OSBPL9: variants seen among roughly 807,000 people sequenced by gnomAD.
The protein encoded by OSBPL9 is oxysterol binding protein like 9.
Under a neutral mutation model 106.6 loss-of-function variants are expected in OSBPL9, and 40 were observed. The ratio of observed to expected loss-of-function variants is 0.38; its 90% CI spans 0.29 to 0.49. OSBPL9 has a LOEUF of 0.49. Ranked by LOEUF, OSBPL9 falls within the 20% of genes least tolerant of loss-of-function variation. The pLI, the probability that OSBPL9 is intolerant of heterozygous loss-of-function variation, is 0.97. For synonymous variants in OSBPL9, 269 were observed against 295.4 expected (o/e 0.91, Z 0.92); for missense variants, 609 against 887.2 (o/e 0.69, Z 3.98).
chr1:51,681,563 T>G (rs1020052549), intron 3 of OSBPL9, among the ~76,000 whole-genome samples: 1 of 152,178 alleles, frequency 6.6e-6, no homozygotes, highest in Admixed American at 6.5e-5. Flanking sequence ...ATTTTTCTGT[T>G]TTTCTACTAA....
chr1:51,673,688 G>T (rs996704126), intron 3 of OSBPL9, among the ~76,000 whole-genome samples: 1 of 152,110 alleles, frequency 6.6e-6, no homozygotes, highest in Non-Finnish European at 1.5e-5. Flanking sequence ...GGAGGAAAAT[G>T]GACTAGATTT....
intron 1 of OSBPL9, among the ~76,000 whole-genome samples, chr1:51,585,236 G>T (rs1162080895): frequency 2.0e-5 from 3 of 151,218 alleles, no homozygotes; most frequent in Non-Finnish European, 4.4e-5. Context: ...GCAGTGGGGT[G>T]GGTAGCAGGA....
the OSBPL9 span, among the ~76,000 whole-genome samples, chr1:51,520,017 T>C: frequency 6.6e-6 from 1 of 152,248 alleles, no homozygotes; most frequent in East Asian, 1.9e-4. Context: ...CTCCTCCTTC[T>C]TTCTCAGGAC....
intron 2 of OSBPL9, among the ~76,000 whole-genome samples, chr1:51,609,737 G>C (rs1438140188): frequency 6.6e-6 from 1 of 151,230 alleles, no homozygotes; most frequent in Non-Finnish European, 1.5e-5. Flanking sequence ...CCACTTGCCG[G>C]CTGAATGTCT....
Position 51,765,963 on chromosome 1 carries a change from C to T in OSBPL9, c.920C>T (p.Ser307Phe). ...GATGAATTCCATCAAAGTGGCTCAT[C>T]CCCAAAGCGCTTAATAGAGTGAGTA... ...DADEFHQSGS[S>F]PKRLIDSSGS... The change falls in exon 12 of 24, where the codon TCC becomes TTC. Residue 307 changes from serine to phenylalanine, a missense_variant. By Grantham distance (155) the Ser-to-Phe change is radical. Transcript: ENST00000428468. The T allele has an allele frequency of 1.2e-6, 2 of 1,613,406 alleles. No homozygotes were observed. The highest frequency in any genetic ancestry group is 1.7e-4 in the Middle Eastern group (1 of 6,058).
At chr1:51,634,315 G>A (rs1259738670) in intron 1 of OSBPL9, among the ~76,000 whole-genome samples, 1 of 152,134 alleles carries the variant, frequency 6.6e-6, no homozygotes, top group Admixed American at 6.6e-5. Context: ...ACTGATGGTG[G>A]AGGAGCATAA....
chr1:51,672,319 G>C (rs1047261351), intron 3 of OSBPL9, among the ~76,000 whole-genome samples: 1 of 152,078 alleles, frequency 6.6e-6, no homozygotes, highest in African/African-American at 2.4e-5. Context: ...AGAAGTGGTC[G>C]AATTGTGTGC....
the OSBPL9 span, among the ~76,000 whole-genome samples, chr1:51,564,849 G>A: frequency 6.6e-6 from 1 of 152,168 alleles, no homozygotes; most frequent in Non-Finnish European, 1.5e-5. Flanking sequence ...CTCTCCCCAA[G>A]TCCTTGAGCC....
the OSBPL9 span, among the ~76,000 whole-genome samples, chr1:51,558,033 C>T: frequency 6.6e-6 from 1 of 152,194 alleles, no homozygotes; most frequent in Non-Finnish European, 1.5e-5. Flanking sequence ...GTAATCCTAG[C>T]ACTTTGGGAG....
upstream of OSBPL9, among the ~76,000 whole-genome samples, chr1:51,612,422 T>A (rs2148606550): frequency 6.6e-6 from 1 of 152,340 alleles, no homozygotes; most frequent in East Asian, 1.9e-4. Flanking sequence ...ACCTTTCAGT[T>A]CTGAGTCTAG....
At chr1:51,572,617 C>G (rs1645157332), upstream of OSBPL9, among the ~76,000 whole-genome samples, 1 of 152,130 alleles carries the variant, frequency 6.6e-6, no homozygotes, top group Non-Finnish European at 1.5e-5. Context: ...TGAATATAGT[C>G]CCTACAGTCA....
chr1:51,668,467 CAA>C (rs1275640390), intron 2 of OSBPL9, among the ~76,000 whole-genome samples: 1 of 152,042 alleles, frequency 6.6e-6, no homozygotes, highest in South Asian at 2.1e-4. Context: ...ACTAAAAATA[CAA>C]AAGTTAGCCG....
intron 16 of OSBPL9, 67 bp downstream of exon 16, chr1:51,781,402 C>T (rs1676355967): frequency 7.0e-7 from 1 of 1,428,912 alleles, no homozygotes; most frequent in South Asian, 1.2e-5. Flanking sequence ...TATTTAGGGG[C>T]AAATAATAAT....
chr1:51,643,990 G>T (rs1645980617), intron 1 of OSBPL9, among the ~76,000 whole-genome samples: 1 of 149,918 alleles, frequency 6.7e-6, no homozygotes, highest in Non-Finnish European at 1.5e-5. Context: ...TGAGGTGGGA[G>T]GATCACTTGA....
intron 2 of OSBPL9, among the ~76,000 whole-genome samples, chr1:51,661,986 A>G (rs946586909): frequency 4.6e-5 from 7 of 152,128 alleles, no homozygotes; most frequent in African/African-American, 1.7e-4. Context: ...TTAAACCAGA[A>G]CTGCTTGAGA....
chr1:51,556,013 C>A, the OSBPL9 span, among the ~76,000 whole-genome samples: 3 of 152,066 alleles, frequency 2.0e-5, no homozygotes. Flanking sequence ...GAGAAAGGAA[C>A]AGAATACAAA....
intron 3 of OSBPL9, chr1:51,709,208 A>T: frequency 5.2e-6 from 1 of 191,796 alleles, no homozygotes; most frequent in East Asian, 1.2e-4. Flanking sequence ...TTGTGGCGAC[A>T]CCGTACAAAG....
intron 9 of OSBPL9, among the ~76,000 whole-genome samples, chr1:51,758,417 A>G (rs532387854): frequency 6.9e-6 from 1 of 144,552 alleles, no homozygotes; most frequent in African/African-American, 2.7e-5. Context: ...GGAATCTCCT[A>G]TTTTCAGAAA....
intron 1 of OSBPL9, among the ~76,000 whole-genome samples, chr1:51,579,343 T>C (rs1645206028): frequency 6.6e-6 from 1 of 152,216 alleles, no homozygotes; most frequent in African/African-American, 2.4e-5. Flanking sequence ...TACAAAGATA[T>C]ACATAGGTAA....
Sources: gnomAD v4.1 joint callset for allele counts (sites outside exome capture counted in the v4.1 genomes callset) on GRCh38, gnomAD v4.1.1 for gene constraint, MANE v1.5 for transcripts, NCBI Gene and HGNC (gene_info 2026-07-23, HGNC 2026-07-21) for gene names.